Variants in HOXA3 observed in about 807,000 individuals in gnomAD.
HOXA3 encodes the protein homeobox protein Hox-A3.
A neutral mutation model predicts 30.3 loss-of-function variants in HOXA3; 8 were observed. The observed-to-expected ratio is 0.26, with a 90% confidence interval of 0.15 to 0.48. The LOEUF (loss-of-function observed/expected upper bound fraction) is 0.48, where lower values mean the gene tolerates loss of function less well. Ranked by LOEUF, HOXA3 falls within the 20% of genes least tolerant of loss-of-function variation. HOXA3 has a pLI of 0.99. For synonymous variants in HOXA3, 323 were observed against 273.1 expected (o/e 1.18, Z -1.80); for missense variants, 653 against 614.4 (o/e 1.06, Z -0.66).
chr7:27,108,408 A>G lies in HOXA3; in HGVS notation c.839T>C (p.Met280Thr). Reference sequence around the variant, plus strand: ...CGGGACGCTGTTGACCAGCGAATGCATAGAGTTCAGATAGCCACCGGCTCC... The same window carrying G: ...CGGGACGCTGTTGACCAGCGAATGCGTAGAGTTCAGATAGCCACCGGCTCC... ...PPGAGGYLNS[M>T]HSLVNSVPYE... is the part of the protein sequence containing the mutation. The change falls in exon 6 of 6, where the codon ATG becomes ACG. Residue 280 changes from methionine to threonine, a missense_variant. By Grantham distance (81) the Met-to-Thr change is moderately conservative (BLOSUM62 -1). Around this residue, in one of 3 missense-constraint regions of HOXA3, gnomAD observed 330 missense variants for 274.4 expected, o/e 1.20. Coordinates refer to ENST00000612286, the MANE Select transcript of HOXA3 (RefSeq NM_153631.3). The surrounding 1 kb of genome is among the most constrained non-coding windows in gnomAD (Gnocchi z 5.0). 4 of 1,611,316 alleles carry G rather than the reference A, an allele frequency of 2.5e-6. No individual in the cohort carries two copies. Among genetic ancestry groups the G allele is most frequent in the Non-Finnish European group, 2.5e-6 (3 of 1,178,482 alleles).
chr7:27,112,144 T>C (rs1264388029), intron 4 of HOXA3, among the ~76,000 whole-genome samples: 4 of 152,228 alleles, frequency 2.6e-5, no homozygotes, highest in Non-Finnish European at 5.9e-5. Flanking sequence ...CCTCTAGTTC[T>C]CAGCACAGAA....
chr7:27,150,137 A>ATCATGTTGGCAGCTGACCAGT (rs55672610), intron 1 of HOXA3: 5 of 152,134 alleles, frequency 3.3e-5, no homozygotes, highest in Non-Finnish European at 7.4e-5. Context: ...GCTAGTGCAT[A>ATCATGTTGGCAGCTGACCAGT]TCATTTCTCC....
intron 4 of HOXA3, chr7:27,121,215 G>C (rs1257646680): frequency 1.9e-5 from 2 of 103,146 alleles, no homozygotes; most frequent in African/African-American, 8.9e-5. Flanking sequence ...TTAGCCCACT[G>C]TGTGCGTGTG....
chr7:27,152,425 C>T lies in HOXA3; in HGVS notation c.-631G>A, dbSNP rs1583418587. ...GTTGCGAGTTGCAAAGCTGCTGCCG[C>T]GGCGCCGGGAACGGAGCGCGCCCAA... On this transcript the variant is annotated 5_prime_UTR_variant, in exon 1 of 6. Coordinates refer to ENST00000612286, the MANE Select transcript of HOXA3 (RefSeq NM_153631.3). The T allele has an allele frequency of 1.7e-6, 2 of 1,152,086 alleles. No homozygotes were observed. Among genetic ancestry groups the T allele is most frequent in the South Asian group, 3.3e-5 (2 of 59,746 alleles). The allele number at this position is 1,152,086 out of a possible 1,614,324, so 71.4% of individuals were successfully genotyped here.
At chr7:27,143,898 G>A (rs1399467414) in intron 1 of HOXA3, among the ~76,000 whole-genome samples, 1 of 152,196 alleles carries the variant, frequency 6.6e-6, no homozygotes, top group African/African-American at 2.4e-5. Flanking sequence ...AGTTGCCGCC[G>A]TTCAGCCGGA....
At chr7:27,130,058 C>A in intron 2 of HOXA3, 1 of 1,520,102 alleles carries the variant, frequency 6.6e-7, no homozygotes. Context: ...CTGACCCCGA[C>A]CCTCGAACCC....
chr7:27,130,571 G>C (rs551806691), intron 2 of HOXA3: 10 of 1,446,474 alleles, frequency 6.9e-6, no homozygotes, highest in Non-Finnish European at 9.1e-6. Flanking sequence ...GGCTGCTGCA[G>C]CGGCAGGTGC....
At chr7:27,142,816 CG>C in intron 1 of HOXA3, 1 of 482,520 alleles carries the variant, frequency 2.1e-6, no homozygotes, top group Non-Finnish European at 3.6e-6. Context: ...CCCCTTCCAA[CG>C]TCTAAACTGT....
chr7:27,140,142 T>C lies in HOXA3; in HGVS notation c.-449A>G, dbSNP rs1350640026. 1 of 152,172 alleles carries C rather than the reference T, an allele frequency of 6.6e-6. No homozygotes were observed. Among genetic ancestry groups the C allele is most frequent in the Non-Finnish European group, 1.5e-5 (1 of 68,034 alleles). 9.4% of individuals were successfully genotyped at this position (152,172 alleles called of 1,614,324 possible). ...TGAGAACTTGTGGTTTGGACACTTCTGGACCTAAAATTGACAGTTTGAATG... is the reference window on the plus strand; with the variant it reads ...TGAGAACTTGTGGTTTGGACACTTCCGGACCTAAAATTGACAGTTTGAATG... On this transcript the variant is annotated 5_prime_UTR_variant, in exon 2 of 6. Transcript: ENST00000612286.
intron 3 of HOXA3, chr7:27,123,833 C>G (rs2128051091): frequency 6.6e-6 from 1 of 152,396 alleles, no homozygotes; most frequent in Non-Finnish European, 1.5e-5. Context: ...GACCCGTAGC[C>G]CCCACAAACC....
chr7:27,114,740 A>C (rs1167534815), intron 4 of HOXA3, among the ~76,000 whole-genome samples: 1 of 11,290 alleles, frequency 8.9e-5, no homozygotes. Flanking sequence ...AGAAACCGAC[A>C]TCATACACAC....
rs1252453427 is a variant in HOXA3, at chr7:27,142,523, G to GA, written c.-493-2338dup. Among the ~76,000 whole-genome samples the GA allele has an allele frequency of 7.9e-5, 12 of 152,200 alleles. No homozygotes were observed. In the East Asian group the frequency reaches 1.9e-3, roughly 25 times the overall value. Reference sequence around the variant, plus strand: ...CCCGTTTCCAGCCTGCAGGGTTGGGGAGCCTGTTTTCTTTTTCTTCCCTTT... The same window carrying GA: ...CCCGTTTCCAGCCTGCAGGGTTGGGGAAGCCTGTTTTCTTTTTCTTCCCTTT... On this transcript the variant is annotated intron_variant, in intron 1 of 5. Transcript: ENST00000612286.
At chr7:27,138,127 C>T (rs6976129) in intron 2 of HOXA3, among the ~76,000 whole-genome samples, 20,917 of 152,094 alleles carry the variant, frequency 0.14, 1,733 homozygotes, top group African/African-American at 0.22. Context: ...GAACCCATAC[C>T]CATGTAGAGT....
At chr7:27,124,154 G>C (rs1289719083) in intron 3 of HOXA3, 4 of 152,214 alleles carry the variant, frequency 2.6e-5, no homozygotes, top group African/African-American at 9.7e-5. Flanking sequence ...TCAGACTAAT[G>C]AGTCACAGAG....
At chr7:27,116,818 G>A (rs1020842259) in intron 4 of HOXA3, among the ~76,000 whole-genome samples, 1 of 152,168 alleles carries the variant, frequency 6.6e-6, no homozygotes, top group Non-Finnish European at 1.5e-5. Flanking sequence ...TCCAAGGGGT[G>A]TTTTAGAGCA....
intron 4 of HOXA3, among the ~76,000 whole-genome samples, chr7:27,114,476 C>G (rs970171965): frequency 6.6e-6 from 1 of 151,762 alleles, no homozygotes; most frequent in Non-Finnish European, 1.5e-5. Flanking sequence ...TAAGGCTTTT[C>G]TCTAGAGACC....
intron 2 of HOXA3, among the ~76,000 whole-genome samples, chr7:27,137,397 G>C (rs977517150): frequency 2.0e-5 from 3 of 152,162 alleles, no homozygotes; most frequent in African/African-American, 7.2e-5. Context: ...GGGAACAAAC[G>C]AGCCCCCGCA....
In HOXA3 at chr7:27,130,349, C is replaced by A. The variant is rs868616109; in HGVS notation, c.-389-3279G>T. On this transcript the variant is annotated intron_variant, in intron 2 of 5. Coordinates refer to ENST00000612286, the MANE Select transcript of HOXA3 (RefSeq NM_153631.3). ...TGCAGGACGTGGCTCGCATGCAGGCCGTGCGCTGGGCCCTTGGCTTGCGCC... is the reference window on the plus strand; with the variant it reads ...TGCAGGACGTGGCTCGCATGCAGGCAGTGCGCTGGGCCCTTGGCTTGCGCC... 4.0e-5 allele frequency: 45 copies of A among 1,124,544 alleles called. No individual in the cohort carries two copies. The East Asian group carries it at 1.0e-3, about 25-fold the overall frequency. 69.7% of individuals were successfully genotyped at this position (1,124,544 alleles called of 1,614,324 possible). A position where few individuals can be genotyped will look rare whatever the true frequency, so the allele number is the denominator to read the frequency against.
rs1297990052 is a variant in HOXA3, at chr7:27,110,189, A to C, written c.452T>G (p.Val151Gly). 1 of 1,614,058 alleles carries C rather than the reference A, an allele frequency of 6.2e-7. No homozygotes were observed. The highest frequency in any genetic ancestry group is 8.5e-7 in the Non-Finnish European group (1 of 1,180,016). Reference protein sequence around the residue: ...AKSPLLNSPTVAKQIFPWMKE... With the variant: ...AKSPLLNSPTGAKQIFPWMKE... ...CATCCAGGGGAAGATTTGTTTGGCC[A>C]CTGTGGGTGAGTTGAGCAGGGGGCT... The change falls in exon 5 of 6, where the codon GTG becomes GGG. Residue 151 changes from valine (V) to glycine (G), a missense_variant. Val to Gly is a moderately radical substitution (Grantham distance 109). Transcript: ENST00000612286.
Sources: gnomAD v4.1 joint callset for allele counts (sites outside exome capture counted in the v4.1 genomes callset) on GRCh38, gnomAD v4.1.1 for gene constraint, gnomAD v4.1.1 regional missense constraint, Gnocchi (gnomAD v3.1) non-coding constraint, MANE v1.5 for transcripts, NCBI Gene and HGNC (gene_info 2026-07-23, HGNC 2026-07-21) for gene names.